Variants in DCUN1D4 observed in about 807,000 individuals in gnomAD.
DCUN1D4 encodes defective in cullin neddylation 1 domain containing 4.
DCUN1D4 carries 22 observed loss-of-function variants against 47.9 expected under a neutral mutation model. That is an observed-to-expected ratio of 0.46 (90% CI 0.33 to 0.66). DCUN1D4 has a LOEUF of 0.66. Ranked by LOEUF, DCUN1D4 falls within the 30% of genes least tolerant of loss-of-function variation. DCUN1D4 has a pLI of 0.02. For missense variants in DCUN1D4, 301 were observed against 340.8 expected (o/e 0.88, Z 0.92); for synonymous variants, 121 against 112.2 (o/e 1.08, Z -0.50).
At chr4:51,856,774 C>G (rs899974371) in intron 1 of DCUN1D4, among the ~76,000 whole-genome samples, 5 of 152,184 alleles carry the variant, frequency 3.3e-5, no homozygotes, top group African/African-American at 1.2e-4. Context: ...TTTCCTTACA[C>G]TGCAATCACA....
chr4:51,911,195 G>C, intron 9 of DCUN1D4, 21 bp downstream of exon 9: 1 of 1,590,032 alleles, frequency 6.3e-7, no homozygotes. Context: ...GTTGTTTTAT[G>C]AAATGTATGT....
Position 51,843,541 on chromosome 4 carries a change from G to A in DCUN1D4, c.25+274G>A, listed in dbSNP as rs1721931714. The stretch of plus-strand genomic sequence containing the variant: ...CTCTTTCAGTGTTGGGGGAAGGGAG[G>A]GCTGGACGTGCGATGAAGGGCCGAG... On this transcript the variant is annotated intron_variant, in intron 1 of 10. Transcript: ENST00000334635. The A allele has an allele frequency of 2.0e-5, 26 of 1,285,820 alleles. No homozygotes were observed. The South Asian group carries it at 2.5e-4, about 12-fold the overall frequency. The allele number at this position is 1,285,820 out of a possible 1,614,324, so 79.7% of individuals were successfully genotyped here.
chr4:51,868,316 A>T (rs1726301824), intron 3 of DCUN1D4, among the ~76,000 whole-genome samples: 1 of 152,162 alleles, frequency 6.6e-6, no homozygotes, highest in Non-Finnish European at 1.5e-5. Context: ...AGCTCCGTGG[A>T]GTGTGCAGCC....
At chr4:51,834,236 G>A in the DCUN1D4 span, among the ~76,000 whole-genome samples, 1 of 149,622 alleles carries the variant, frequency 6.7e-6, no homozygotes, top group South Asian at 2.2e-4. Flanking sequence ...TGAGACGTTG[G>A]AAAAGCAAGT....
chr4:51,842,757 C>T (rs190435041), upstream of DCUN1D4, among the ~76,000 whole-genome samples: 142 of 152,312 alleles, frequency 9.3e-4, no homozygotes, highest in African/African-American at 3.1e-3. Context: ...TTGGGAAACA[C>T]TTCGCGTGCT....
upstream of DCUN1D4, chr4:51,843,041 A>G (rs1390268881): frequency 1.2e-5 from 17 of 1,366,492 alleles, no homozygotes; most frequent in Non-Finnish European, 1.6e-5. Context: ...GACCGGCGCT[A>G]TGGGCACTCC....
At chr4:51,876,538 G>A (rs1445870940) in intron 4 of DCUN1D4, among the ~76,000 whole-genome samples, 8 of 151,954 alleles carry the variant, frequency 5.3e-5, no homozygotes, top group Admixed American at 1.3e-4. Context: ...CCTGCACGTT[G>A]TGCACATGTA....
In DCUN1D4 at chr4:51,916,411, A is replaced by G. The variant is rs1404027469; in HGVS notation, c.*2827A>G. ...AGTCTCCATTTTAACAGTGCTTTTGAAGTTTATACAGAAAGCTTTAAAAGT... is the reference window on the plus strand; with the variant it reads ...AGTCTCCATTTTAACAGTGCTTTTGGAGTTTATACAGAAAGCTTTAAAAGT... On this transcript the variant is annotated 3_prime_UTR_variant, in exon 11 of 11. Coordinates refer to ENST00000334635, the MANE Select transcript of DCUN1D4 (RefSeq NM_001040402.3). The G allele has an allele frequency of 6.6e-6, 1 of 152,568 alleles. No individual in the cohort carries two copies. The highest frequency in any genetic ancestry group is 1.5e-5 in the Non-Finnish European group (1 of 67,986). The allele number at this position is 152,568 out of a possible 1,614,324, so 9.5% of individuals were successfully genotyped here. A position where few individuals can be genotyped will look rare whatever the true frequency, so the allele number is the denominator to read the frequency against.
At chr4:51,905,389 TAGA>T (rs1732727848) in intron 8 of DCUN1D4, 3 of 256,782 alleles carry the variant, frequency 1.2e-5, no homozygotes. Context: ...GGAATCTTGC[TAGA>T]AGAAGACGGT....
At chr4:51,844,443 G>A in intron 1 of DCUN1D4, 1 of 979,280 alleles carries the variant, frequency 1.0e-6, no homozygotes, top group Middle Eastern at 5.3e-4. Flanking sequence ...AGGAGGCGGG[G>A]CAGGGGTGCG....
chr4:51,913,707 ATGT>A lies in DCUN1D4; in HGVS notation c.*126_*128del. 1 of 886,040 alleles carries A rather than the reference ATGT, an allele frequency of 1.1e-6. No individual in the cohort carries two copies. Among genetic ancestry groups the A allele is most frequent in the Non-Finnish European group, 1.8e-6 (1 of 559,130 alleles). 54.9% of individuals were successfully genotyped at this position (886,040 alleles called of 1,614,324 possible). A position where few individuals can be genotyped will look rare whatever the true frequency, so the allele number is the denominator to read the frequency against. ...TGCACTGTTTCCCTTTCGCAGGGAC[ATGT>A]TGGTGTTTGCTATTGAATTGGCCAG... On this transcript the variant is annotated 3_prime_UTR_variant, in exon 11 of 11. Transcript: ENST00000334635.
intron 1 of DCUN1D4, chr4:51,843,730 G>C (rs1184940180): frequency 4.1e-6 from 5 of 1,214,196 alleles, no homozygotes; most frequent in Non-Finnish European, 5.1e-6. Flanking sequence ...GGGCGGCTCC[G>C]TGAGAAAGGC....
intron 1 of DCUN1D4, among the ~76,000 whole-genome samples, chr4:51,853,072 A>G (rs962194632): frequency 1.2e-4 from 19 of 152,160 alleles, no homozygotes; most frequent in African/African-American, 4.3e-4. Context: ...GTACCATGTC[A>G]CATTGGGAGT....
intron 1 of DCUN1D4, among the ~76,000 whole-genome samples, chr4:51,858,102 T>C (rs1724430224): frequency 6.6e-6 from 1 of 152,140 alleles, no homozygotes; most frequent in Non-Finnish European, 1.5e-5. Context: ...TCTGGCAAGG[T>C]TATGTAAGGA....
At chr4:51,852,083 T>C (rs1049303184) in intron 1 of DCUN1D4, among the ~76,000 whole-genome samples, 2 of 152,230 alleles carry the variant, frequency 1.3e-5, no homozygotes, top group Non-Finnish European at 2.9e-5. Context: ...GATTATCTCT[T>C]GGTTCTTTTC....
At chr4:51,871,791 T>C (rs1227712904) in intron 3 of DCUN1D4, among the ~76,000 whole-genome samples, 1 of 152,190 alleles carries the variant, frequency 6.6e-6, no homozygotes, top group Non-Finnish European at 1.5e-5. Flanking sequence ...TTTGTTTTTG[T>C]ATGTTGGCAG....
At chr4:51,870,367 C>T (rs1726692696) in intron 3 of DCUN1D4, among the ~76,000 whole-genome samples, 1 of 151,894 alleles carries the variant, frequency 6.6e-6, no homozygotes, top group Non-Finnish European at 1.5e-5. Context: ...GCAAGCATTC[C>T]TTGAATATGT....
In DCUN1D4 at chr4:51,863,723, C is replaced by A; in HGVS notation, c.136+14C>A. ...ATCACCAAACAGGTATCTGTAAATG[C>A]TAACACTACTTAATTTTAAATAGCT... On this transcript the variant is annotated intron_variant, in intron 3 of 10. Coordinates refer to ENST00000334635, the MANE Select transcript of DCUN1D4 (RefSeq NM_001040402.3). 6.2e-7 allele frequency: 1 copy of A among 1,609,358 alleles called. No homozygotes were observed. The highest frequency in any genetic ancestry group is 8.5e-7 in the Non-Finnish European group (1 of 1,177,686).
At chr4:51,873,515 G>C (rs1296579020) in intron 3 of DCUN1D4, among the ~76,000 whole-genome samples, 3 of 152,150 alleles carry the variant, frequency 2.0e-5, no homozygotes, top group African/African-American at 7.2e-5. Context: ...TTTCTTATCT[G>C]CATAAGGCAA....
Sources: allele counts gnomAD v4.1 joint callset (sites outside exome capture counted in the v4.1 genomes callset), GRCh38; gene constraint gnomAD v4.1.1; transcripts MANE v1.5; gene names NCBI Gene and HGNC (gene_info 2026-07-23, HGNC 2026-07-21).